ADGB: variants seen among roughly 807,000 people sequenced by gnomAD.
ADGB encodes calpain-7-like protein.
Under a neutral mutation model 210.5 loss-of-function variants are expected in ADGB, and 172 were observed. The observed-to-expected ratio is 0.82, with a 90% CI of 0.72 to 0.93. The LOEUF (loss-of-function observed/expected upper bound fraction) is 0.93, where lower values mean the gene tolerates loss of function less well. Among genes scored for constraint, ADGB ranks in the 40% least tolerant of loss-of-function variants. The pLI, the probability that ADGB is intolerant of heterozygous loss-of-function variation, is 0.00. For missense variants in ADGB, 2,025 were observed against 1,964.8 expected, an observed-to-expected ratio of 1.03 and a Z score of -0.58; for synonymous variants, 658 against 662.7, an observed-to-expected ratio of 0.99 and a Z score of 0.11.
chr6:146,629,511 C>T (rs906422386), intron 1 of ADGB, among the ~76,000 whole-genome samples: 2 of 152,126 alleles, frequency 1.3e-5, no homozygotes, highest in Admixed American at 6.6e-5. Flanking sequence ...AAGGAGGGAG[C>T]TGGAAGATTT....
At chr6:146,814,644 T>C (rs1408089892) in intron 35 of ADGB, among the ~76,000 whole-genome samples, 3 of 152,354 alleles carry the variant, frequency 2.0e-5, no homozygotes, top group Non-Finnish European at 2.9e-5. Flanking sequence ...ACAGCTCAGA[T>C]ATATTTTGTC....
Position 146,693,649 on chromosome 6 carries a change from T to C in ADGB, c.1577+734T>C, listed in dbSNP as rs190206181. 9.8e-5 allele frequency among the ~76,000 whole-genome samples: 15 copies of C among 152,316 alleles called. No homozygotes were observed. The East Asian group carries it at 2.9e-3, about 29-fold the overall frequency. ...CACATCTTCCTTGTTCTCTTTCAAA[T>C]AGGCTTTCTCATTTTTCCCAATATG... On this transcript the variant is annotated intron_variant, in intron 12 of 35. Transcript: ENST00000397944.
At chr6:146,797,079 A>C (rs1324843875) in intron 33 of ADGB, among the ~76,000 whole-genome samples, 1 of 152,204 alleles carries the variant, frequency 6.6e-6, no homozygotes, top group Non-Finnish European at 1.5e-5. Context: ...ACAAATGGCC[A>C]ACAAACATAT....
rs539187222 is a variant in ADGB at position 146,704,799 on chromosome 6, C to T, written c.1707+3729C>T. ...GGATTTTAGGATGTTTTTAATATAT[C>T]TGTCTAAAATCTCATCAGAATGTTG... is the stretch of plus-strand genomic sequence containing the variant. On this transcript the variant is annotated intron_variant, in intron 13 of 35. Coordinates refer to ENST00000397944, the MANE Select transcript of ADGB (RefSeq NM_024694.4). 4.6e-5 allele frequency among the ~76,000 whole-genome samples: 7 copies of T among 151,956 alleles called. No individual in the cohort carries two copies. In the East Asian group the frequency reaches 1.4e-3, roughly 29 times the overall value.
chr6:146,771,260 C>T (rs1005000339), intron 29 of ADGB, among the ~76,000 whole-genome samples: 1 of 152,048 alleles, frequency 6.6e-6, no homozygotes, highest in African/African-American at 2.4e-5. Context: ...TGAAGGTTTC[C>T]TGGACCCACC....
intron 23 of ADGB, among the ~76,000 whole-genome samples, chr6:146,737,678 GT>G (rs1777099616): frequency 6.6e-6 from 1 of 152,154 alleles, no homozygotes; most frequent in Admixed American, 6.5e-5. Context: ...ACCTGCTTTT[GT>G]ATTTTGGGGC....
intron 1 of ADGB, among the ~76,000 whole-genome samples, chr6:146,607,492 C>T (rs1338367553): frequency 6.6e-6 from 1 of 152,122 alleles, no homozygotes; most frequent in African/African-American, 2.4e-5. Flanking sequence ...GGGAATGCTT[C>T]CAACTTTTGC....
intron 35 of ADGB, among the ~76,000 whole-genome samples, chr6:146,814,357 C>G (rs557867018): frequency 1.3e-5 from 2 of 151,922 alleles, no homozygotes; most frequent in Non-Finnish European, 1.5e-5. Flanking sequence ...TTTTAAGAGA[C>G]GAAGGAGAAA....
Position 146,815,021 on chromosome 6 carries a change from C to T in ADGB, c.4819-11C>T. 1 of 1,524,198 alleles carries T rather than the reference C, an allele frequency of 6.6e-7. No homozygotes were observed. The highest frequency in any genetic ancestry group is 8.8e-7 in the Non-Finnish European group (1 of 1,139,904). 94.4% of individuals were successfully genotyped at this position (1,524,198 alleles called of 1,614,324 possible). ...TGGAACTTATTTGTTTGGGGTTTTGCTTTGGAACAGGACTCCTTAGATGAA... is the reference window on the plus strand; with the variant it reads ...TGGAACTTATTTGTTTGGGGTTTTGTTTTGGAACAGGACTCCTTAGATGAA... On this transcript the variant is annotated splice_polypyrimidine_tract_variant and intron_variant, in intron 35 of 35. Coordinates refer to ENST00000397944, the MANE Select transcript of ADGB (RefSeq NM_024694.4).
chr6:146,662,235 C>T (rs1296094065), intron 5 of ADGB, among the ~76,000 whole-genome samples: 1 of 152,046 alleles, frequency 6.6e-6, no homozygotes, highest in Admixed American at 6.6e-5. Context: ...CCCACTCTCT[C>T]TTTCTCTTCT....
At chr6:146,690,609 C>T (rs776481991) in intron 10 of ADGB, among the ~76,000 whole-genome samples, 1 of 152,106 alleles carries the variant, frequency 6.6e-6, no homozygotes, top group African/African-American at 2.4e-5. Flanking sequence ...TGATTGTAAT[C>T]ATGTGTAATC....
At chr6:146,807,997 T>G (rs1778238295) in intron 35 of ADGB, among the ~76,000 whole-genome samples, 1 of 144,964 alleles carries the variant, frequency 6.9e-6, no homozygotes, top group Non-Finnish European at 1.5e-5. Flanking sequence ...CTTCAGTTTT[T>G]TTTTTTTTTT....
intron 1 of ADGB, among the ~76,000 whole-genome samples, chr6:146,607,067 A>G (rs1274379300): frequency 6.6e-6 from 1 of 151,986 alleles, no homozygotes; most frequent in Non-Finnish European, 1.5e-5. Context: ...GTCATCTCTG[A>G]TTTCTTTAAG....
chr6:146,676,486 T>C, intron 9 of ADGB, 45 bp downstream of exon 9: 1 of 1,271,732 alleles, frequency 7.9e-7, no homozygotes, highest in Non-Finnish European at 1.0e-6. Context: ...TAGTTGTTTC[T>C]TAAAATGCTG....
chr6:146,663,511 T>C (rs948345928), intron 5 of ADGB, among the ~76,000 whole-genome samples: 4 of 152,006 alleles, frequency 2.6e-5, no homozygotes. Flanking sequence ...ACCCTCCTTT[T>C]TACCTAATTC....
At chr6:146,670,656 T>G (rs1413473608) in intron 7 of ADGB, among the ~76,000 whole-genome samples, 1 of 152,174 alleles carries the variant, frequency 6.6e-6, no homozygotes, top group Admixed American at 6.6e-5. Context: ...TCACTGTTGT[T>G]ATTCTCTGTC....
intron 9 of ADGB, among the ~76,000 whole-genome samples, chr6:146,681,507 T>C (rs968555399): frequency 2.0e-5 from 3 of 152,080 alleles, no homozygotes; most frequent in African/African-American, 7.2e-5. Context: ...CAGTAAAACT[T>C]AAACAACACA....
chr6:146,744,518 AGG>A (rs1777201114), intron 25 of ADGB, among the ~76,000 whole-genome samples: 1 of 152,206 alleles, frequency 6.6e-6, no homozygotes. Context: ...TTTATCTTTG[AGG>A]TTCACATGAG....
At chr6:146,612,488 C>T (rs1328554611) in intron 1 of ADGB, among the ~76,000 whole-genome samples, 1 of 152,160 alleles carries the variant, frequency 6.6e-6, no homozygotes, top group African/African-American at 2.4e-5. Context: ...TGACCTCTCC[C>T]TCTCTTTTGT....
Sources: gnomAD v4.1 joint callset for allele counts (sites outside exome capture counted in the v4.1 genomes callset) on GRCh38, gnomAD v4.1.1 for gene constraint, MANE v1.5 for transcripts, NCBI Gene and HGNC (gene_info 2026-07-23, HGNC 2026-07-21) for gene names.